The following PIEZO1 variants were observed in gnomAD, a reference collection of about 807,000 sequenced individuals.
The protein encoded by PIEZO1 is piezo type mechanosensitive ion channel component 1 (Er blood group).
In PIEZO1, 296 loss-of-function variants were observed where a neutral mutation model predicts 297.2. The observed-to-expected ratio is 1.00, with a 90% CI of 0.91 to 1.10. The LOEUF is 1.10. Among genes scored for constraint, PIEZO1 ranks in the 50% least tolerant of loss-of-function variants. PIEZO1 has a pLI of 0.00. For missense variants in PIEZO1, 5,018 were observed against 3,455.5 expected, an observed-to-expected ratio of 1.45 and a Z score of -11.34; for synonymous variants, 2,427 against 1,507.5, an observed-to-expected ratio of 1.61 and a Z score of -14.13.
At chr16:88,782,677 C>T (rs575970545) in intron 1 of PIEZO1, among the ~76,000 whole-genome samples, 9 of 152,326 alleles carry the variant, frequency 5.9e-5, no homozygotes, top group East Asian at 1.9e-4. Context: ...TTCCAAAACA[C>T]GGTAGAACTG....
In PIEZO1 at chr16:88,726,302, G is replaced by A. The variant is rs1161897945; in HGVS notation, c.3950C>T (p.Thr1317Ile). ...AGCTTGCCTGGAGGCTAGCAGGGCG[G>A]TGGCCTGGAGGTCGGCCCTGACGTG... ...YLHVRADLQA[T>I]ALLASRGFAL... Residue 1317 changes from threonine (T) to isoleucine (I), a missense_variant, in exon 27 of 51, where the codon ACC becomes ATC. Coordinates refer to ENST00000301015, the MANE Select transcript of PIEZO1 (RefSeq NM_001142864.4). 2.6e-6 allele frequency: 4 copies of A among 1,549,398 alleles called. No individual in the cohort carries two copies. The highest frequency in any genetic ancestry group is 2.6e-6 in the Non-Finnish European group (3 of 1,146,568).
intron 10 of PIEZO1, 28 bp from the exon 11 acceptor site, chr16:88,736,767 G>T: frequency 7.0e-7 from 1 of 1,430,378 alleles, no homozygotes; most frequent in Non-Finnish European, 9.4e-7. Context: ...GGTCAGCTTC[G>T]GCAGGTTGAT....
chr16:88,732,608 T>G lies in PIEZO1; in HGVS notation c.2789A>C (p.Gln930Pro), dbSNP rs1418236074. 1 of 1,548,762 alleles carries G rather than the reference T, an allele frequency of 6.5e-7. No homozygotes were observed. The highest frequency in any genetic ancestry group is 2.0e-5 in the Admixed American group (1 of 50,896). Reference protein sequence around the residue: ...RKGFPNLGYIQNHLQVLLLLV... With the variant: ...RKGFPNLGYIPNHLQVLLLLV... ...CCGCCCACCAGCCCTTCAACTCACC[T>G]GGATGTAGCCCAGGTTGGGGAACCC... The change falls in exon 20 of 51, where the codon CAG (glutamine) becomes CCG (proline). Residue 930 changes from glutamine (Q) to proline (P), a missense_variant and splice_region_variant. Transcript: ENST00000301015.
At chr16:88,779,570 C>A (rs897345912) in intron 1 of PIEZO1, among the ~76,000 whole-genome samples, 17 of 152,342 alleles carry the variant, frequency 1.1e-4, no homozygotes, top group African/African-American at 3.1e-4. Context: ...TGGCTGCTGC[C>A]CAGAGCTCTG....
intron 43 of PIEZO1, 23 bp from the exon 44 acceptor site, chr16:88,719,744 T>G: frequency 6.5e-7 from 1 of 1,550,176 alleles, no homozygotes; most frequent in Non-Finnish European, 8.7e-7. Flanking sequence ...AGGGTTCCCG[T>G]CAGGTGGGCT....
At chr16:88,749,614 C>G (rs536283487) in intron 1 of PIEZO1, 135 bp from the exon 2 acceptor site, 5 of 652,368 alleles carry the variant, frequency 7.7e-6, no homozygotes, top group African/African-American at 5.8e-5. Flanking sequence ...GAGCCAGAGC[C>G]GTGGAAGCCG....
chr16:88,763,749 G>C (rs1024892407), intron 1 of PIEZO1, among the ~76,000 whole-genome samples: 1 of 152,208 alleles, frequency 6.6e-6, no homozygotes, highest in Non-Finnish European at 1.5e-5. Context: ...GCATGGAAGG[G>C]CCGATGTTAA....
At chr16:88,730,229 G>A (rs1163544205) in intron 22 of PIEZO1, among the ~76,000 whole-genome samples, 4 of 152,258 alleles carry the variant, frequency 2.6e-5, no homozygotes, top group Non-Finnish European at 5.9e-5. Flanking sequence ...TGGGCTCCCT[G>A]GAGCAATGGC....
chr16:88,722,321 G>T lies in PIEZO1; in HGVS notation c.4852C>A (p.Arg1618Ser). 6.5e-7 allele frequency: 1 copy of T among 1,545,722 alleles called. No individual in the cohort carries two copies. Among genetic ancestry groups the T allele is most frequent in the Non-Finnish European group, 8.7e-7 (1 of 1,145,266 alleles). Residue 1618 changes from arginine (R) to serine (S), a missense_variant, in exon 36 of 51, where the codon CGC (arginine) becomes AGC (serine). Transcript: ENST00000301015. ...GSPLSTGYHT[R>S]SGSEEAVTDP... ...GTGACTGCCTCCTCACTGCCACTGC[G>T]CGTGTGGTAGCCGGTGCTCAGGGGG...
At chr16:88,743,279 C>T (rs1214489150) in intron 2 of PIEZO1, 1 of 456,488 alleles carries the variant, frequency 2.2e-6, no homozygotes, top group Non-Finnish European at 4.4e-6. Context: ...GCTCACCCTT[C>T]AGCAGGGGTC....
At position 88,736,165 on chromosome 16, in the gene PIEZO1, G is replaced by C. The variant is rs78905828; in HGVS notation, c.1540C>G (p.Leu514Val). Residue 514 changes from leucine to valine, a missense_variant, in exon 12 of 51, where the codon CTG (leucine) becomes GTG (valine). Coordinates refer to ENST00000301015, the MANE Select transcript of PIEZO1 (RefSeq NM_001142864.4). The part of the protein sequence containing the change: ...LGLEHTRYPC[L>V]DLGAMLLYTL... ...ACACTCACCATGGCACCAAGGTCCA[G>C]ACAGGGGTAGCGGGTGTGCTCCAGC... 1.9e-6 allele frequency: 3 copies of C among 1,547,268 alleles called. No homozygotes were observed. The highest frequency in any genetic ancestry group is 1.4e-5 in the African/African-American group (1 of 73,098).
At chr16:88,777,164 G>C (rs1233078872) in intron 1 of PIEZO1, among the ~76,000 whole-genome samples, 1 of 152,236 alleles carries the variant, frequency 6.6e-6, no homozygotes, top group Admixed American at 6.5e-5. Context: ...GTAGGGACAG[G>C]GTTTTGCCAT....
At chr16:88,750,350 C>CA (rs1555559910) in intron 1 of PIEZO1, among the ~76,000 whole-genome samples, 5 of 152,176 alleles carry the variant, frequency 3.3e-5, no homozygotes, top group South Asian at 2.1e-4. Context: ...AACAATCAAA[C>CA]AAAAAAATGC....
chr16:88,749,235 G>T, intron 2 of PIEZO1, 149 bp downstream of exon 2: 2 of 537,068 alleles, frequency 3.7e-6, no homozygotes, highest in Non-Finnish European at 6.4e-6. Flanking sequence ...GCGAGACTCC[G>T]TCTCAAAAAA....
At chr16:88,728,256 C>T (rs539507353) in intron 22 of PIEZO1, among the ~76,000 whole-genome samples, 64 of 152,382 alleles carry the variant, frequency 4.2e-4, no homozygotes, top group African/African-American at 1.4e-3. Context: ...TGCCGGCCCC[C>T]GGCCACACTT....
At chr16:88,720,983 G>A (rs907750161) in intron 39 of PIEZO1, among the ~76,000 whole-genome samples, 183 bp downstream of exon 39, 7 of 152,292 alleles carry the variant, frequency 4.6e-5, no homozygotes, top group African/African-American at 1.7e-4. Context: ...GCATCCCCGG[G>A]GGCAGCAGTC....
Position 88,784,811 on chromosome 16 carries a change from C to T in PIEZO1, c.64+90G>A. ...TCCGCGCCCGCTCGCCCGCAGCCCT[C>T]GCCCCGGCCGGCGTCGTCCGGTGTC... On this transcript the variant is annotated intron_variant, in intron 1 of 50. Transcript: ENST00000301015. 2 of 970,280 alleles carry T rather than the reference C, an allele frequency of 2.1e-6. 1 individual carries two copies. Among genetic ancestry groups the T allele is most frequent in the South Asian group, 3.8e-5 (2 of 51,998 alleles). The allele number at this position is 970,280 out of a possible 1,614,324, so 60.1% of individuals were successfully genotyped here.
At chr16:88,753,609 G>A (rs1906509336) in intron 1 of PIEZO1, among the ~76,000 whole-genome samples, 3 of 152,316 alleles carry the variant, frequency 2.0e-5, no homozygotes, top group Middle Eastern at 6.8e-3. Flanking sequence ...TGGGCTCTGA[G>A]AGGGGAGGAG....
At chr16:88,735,789 C>A (rs989550239) in intron 12 of PIEZO1, among the ~76,000 whole-genome samples, 2 of 152,212 alleles carry the variant, frequency 1.3e-5, no homozygotes, top group African/African-American at 4.8e-5. Flanking sequence ...ATGGGCAGAG[C>A]CCACGCTCAC....
Sources: gnomAD v4.1 joint callset for allele counts (sites outside exome capture counted in the v4.1 genomes callset) on GRCh38, gnomAD v4.1.1 for gene constraint, MANE v1.5 for transcripts, NCBI Gene and HGNC (gene_info 2026-07-23, HGNC 2026-07-21) for gene names.